CCSER1: variants seen among roughly 807,000 people sequenced by gnomAD.
CCSER1 encodes coiled-coil serine rich protein 1.
A neutral mutation model predicts 82.0 loss-of-function variants in CCSER1; 41 were observed. The ratio of observed to expected loss-of-function variants is 0.50; its 90% CI spans 0.39 to 0.65. The LOEUF (loss-of-function observed/expected upper bound fraction) is 0.65, where lower values mean the gene tolerates loss of function less well. CCSER1 is among the 30% of genes least tolerant of loss of function. CCSER1 has a pLI of 0.00. For missense variants in CCSER1, 1,119 were observed against 1,064.2 expected, an observed-to-expected ratio of 1.05 and a Z score of -0.72; for synonymous variants, 414 against 383.9, an observed-to-expected ratio of 1.08 and a Z score of -0.92.
At chr4:90,996,263 T>G (rs1416891471) in intron 9 of CCSER1, among the ~76,000 whole-genome samples, 1 of 152,112 alleles carries the variant, frequency 6.6e-6, no homozygotes, top group Non-Finnish European at 1.5e-5. Context: ...GGTATTTTAA[T>G]AAGGCAATCT....
chr4:91,129,264 A>G (rs1279231384), intron 10 of CCSER1, among the ~76,000 whole-genome samples: 1 of 152,078 alleles, frequency 6.6e-6, no homozygotes, highest in African/African-American at 2.4e-5. Context: ...GTAAATAAAT[A>G]AGAAAATATA....
intron 8 of CCSER1, among the ~76,000 whole-genome samples, chr4:90,861,905 C>CATATATATATATATAT (rs1433929339): frequency 5.7e-5 from 8 of 139,414 alleles, no homozygotes; most frequent in African/African-American, 2.1e-4. Flanking sequence ...TATGATGACT[C>CATATATATATATATAT]ATATATATAT....
intron 5 of CCSER1, among the ~76,000 whole-genome samples, chr4:90,624,663 T>C (rs1722949740): frequency 6.6e-6 from 1 of 152,318 alleles, no homozygotes; most frequent in South Asian, 2.1e-4. Flanking sequence ...TCAAATCCTC[T>C]ACTCATTCGA....
Position 91,270,293 on chromosome 4 carries a change from A to AT in CCSER1, c.2217+184304dup, listed in dbSNP as rs541857858. On this transcript the variant is annotated intron_variant, in intron 10 of 10. Coordinates refer to ENST00000509176, the MANE Select transcript of CCSER1 (RefSeq NM_001145065.2). Reference sequence around the variant, plus strand: ...ATTATAGTTCAGGTATTATTTTAACATTTTTCCTAGGTAAAAATGGTGTTG... The same window carrying AT: ...ATTATAGTTCAGGTATTATTTTAACATTTTTTCCTAGGTAAAAATGGTGTTG... Among the ~76,000 whole-genome samples, 18 of 152,210 alleles carry AT rather than the reference A, an allele frequency of 1.2e-4. No homozygotes were observed. In the South Asian group the frequency reaches 3.5e-3, roughly 30 times the overall value.
At chr4:90,468,893 C>A (rs1048551771) in intron 5 of CCSER1, among the ~76,000 whole-genome samples, 5 of 152,034 alleles carry the variant, frequency 3.3e-5, no homozygotes, top group Admixed American at 2.0e-4. Flanking sequence ...AAATGATAAA[C>A]TTGTACTCTT....
At chr4:90,786,175 A>G (rs1754490200) in intron 7 of CCSER1, among the ~76,000 whole-genome samples, 1 of 152,206 alleles carries the variant, frequency 6.6e-6, no homozygotes, top group African/African-American at 2.4e-5. Flanking sequence ...GCTCCTAAGC[A>G]ATGTTCTGTA....
chr4:90,845,250 T>C (rs912168057), intron 8 of CCSER1, among the ~76,000 whole-genome samples: 4 of 149,946 alleles, frequency 2.7e-5, no homozygotes, highest in Non-Finnish European at 5.9e-5. Context: ...TAATCCCAGC[T>C]ACTAGGGCGG....
At chr4:90,375,470 G>A (rs75212925) in intron 3 of CCSER1, among the ~76,000 whole-genome samples, 2,234 of 152,232 alleles carry the variant, frequency 0.015, 75 homozygotes, top group African/African-American at 0.05. Context: ...GACCCTGACA[G>A]GTACAGAGGA....
intron 8 of CCSER1, among the ~76,000 whole-genome samples, chr4:90,842,806 C>T (rs973402956): frequency 1.6e-4 from 24 of 152,202 alleles, no homozygotes; most frequent in African/African-American, 3.1e-4. Flanking sequence ...TTAGAGTAAC[C>T]GTATTCTGGT....
At chr4:90,550,132 G>A (rs979427755) in intron 5 of CCSER1, among the ~76,000 whole-genome samples, 5 of 152,138 alleles carry the variant, frequency 3.3e-5, no homozygotes, top group African/African-American at 1.2e-4. Flanking sequence ...GGGAAGAGTA[G>A]CCAGTGGACA....
At chr4:91,515,863 CTT>C (rs60522453) in intron 10 of CCSER1, among the ~76,000 whole-genome samples, 7,418 of 134,928 alleles carry the variant, frequency 0.055, 429 homozygotes, top group African/African-American at 0.17. Flanking sequence ...GCCAGCATCT[CTT>C]TTTTTTTTTT....
intron 6 of CCSER1, among the ~76,000 whole-genome samples, chr4:90,673,720 A>C (rs1733248373): frequency 6.6e-6 from 1 of 151,990 alleles, no homozygotes; most frequent in Admixed American, 6.6e-5. Context: ...ATCATAGGCA[A>C]ATCTCTTCAC....
chr4:90,533,771 A>G (rs1579012039), intron 5 of CCSER1, among the ~76,000 whole-genome samples: 1 of 152,326 alleles, frequency 6.6e-6, no homozygotes, highest in African/African-American at 2.4e-5. Flanking sequence ...AGTATTCTAT[A>G]TCATTGTATT....
chr4:90,634,065 T>G (rs1724976748), intron 6 of CCSER1, among the ~76,000 whole-genome samples: 2 of 151,696 alleles, frequency 1.3e-5, no homozygotes, highest in African/African-American at 4.8e-5. Context: ...TTTAAAAAAT[T>G]TTATGATCTA....
intron 10 of CCSER1, among the ~76,000 whole-genome samples, chr4:91,095,079 A>G (rs907562050): frequency 6.6e-6 from 1 of 152,102 alleles, no homozygotes; most frequent in Non-Finnish European, 1.5e-5. Flanking sequence ...TGGGGTGGTT[A>G]CTACTGAGTG....
intron 1 of CCSER1, among the ~76,000 whole-genome samples, chr4:90,256,959 T>C (rs11937513): frequency 0.045 from 6,803 of 152,116 alleles, 391 homozygotes; most frequent in African/African-American, 0.13. Flanking sequence ...AATTTTACCA[T>C]ATATATGTAT....
At chr4:91,495,653 G>T (rs1758761748) in intron 10 of CCSER1, among the ~76,000 whole-genome samples, 1 of 151,242 alleles carries the variant, frequency 6.6e-6, no homozygotes, top group Non-Finnish European at 1.5e-5. Context: ...TCATAATTTT[G>T]GTTTACAAGC....
intron 4 of CCSER1, among the ~76,000 whole-genome samples, chr4:90,430,648 A>G (rs528118853): frequency 6.6e-6 from 1 of 152,048 alleles, no homozygotes; most frequent in South Asian, 2.1e-4. Context: ...TACTGCTGTG[A>G]AAACCATACA....
intron 4 of CCSER1, among the ~76,000 whole-genome samples, chr4:90,413,095 A>G (rs1251955947): frequency 6.6e-6 from 1 of 152,204 alleles, no homozygotes; most frequent in African/African-American, 2.4e-5. Context: ...GAATTTAGCA[A>G]AGTTTCAGGA....
Sources: allele counts gnomAD v4.1 joint callset (sites outside exome capture counted in the v4.1 genomes callset), GRCh38; gene constraint gnomAD v4.1.1; transcripts MANE v1.5; gene names NCBI Gene and HGNC (gene_info 2026-07-23, HGNC 2026-07-21).